SORL1: variants seen among roughly 807,000 people sequenced by gnomAD.
SORL1 encodes the protein sortilin-related receptor.
A neutral mutation model predicts 273.7 loss-of-function variants in SORL1; 127 were observed. That is an observed-to-expected ratio of 0.46 (90% CI 0.40 to 0.54). The LOEUF is 0.54. Among genes scored for constraint, SORL1 ranks in the 20% least tolerant of loss-of-function variants. SORL1 has a pLI of 0.00. For synonymous variants in SORL1, 1,031 were observed against 1,067.4 expected (o/e 0.97, Z 0.66); for missense variants, 2,494 against 2,846.1 (o/e 0.88, Z 2.81).
chr11:121,507,858 T>G (rs1403472270), intron 6 of SORL1, among the ~76,000 whole-genome samples: 6 of 152,204 alleles, frequency 3.9e-5, no homozygotes, highest in Admixed American at 3.9e-4. Flanking sequence ...TGATTTTTTT[T>G]GTTGAAAACT....
chr11:121,555,448 A>G, intron 18 of SORL1, 130 bp downstream of exon 18: 2 of 1,180,376 alleles, frequency 1.7e-6, no homozygotes, highest in South Asian at 2.9e-5. Flanking sequence ...GTTTCCAGAG[A>G]ATGGACCAGC....
At position 121,491,550 on chromosome 11, in the gene SORL1, A is replaced by G. The variant is rs151312753; in HGVS notation, c.758+1440A>G. On this transcript the variant is annotated intron_variant, in intron 5 of 47. Coordinates refer to ENST00000260197, the MANE Select transcript of SORL1 (RefSeq NM_003105.6). ...TTGACTCTTGATCTTCACCACCCCA[A>G]ATCAGCTCCACCTATAACTTTTCTC... Among the ~76,000 whole-genome samples the G allele has an allele frequency of 6.6e-3, 1,011 of 152,294 alleles. 11 individuals are homozygous for G. Among genetic ancestry groups the G allele is most frequent in the African/African-American group, 0.023 (951 of 41,554 alleles).
Position 121,513,151 on chromosome 11 carries a change from T to C in SORL1, c.1041+47T>C, listed in dbSNP as rs1205794887. 6 of 1,392,992 alleles carry C rather than the reference T, an allele frequency of 4.3e-6. No homozygotes were observed. The Admixed American group carries it at 5.0e-5, about 12-fold the overall frequency. The allele number at this position is 1,392,992 out of a possible 1,614,324, so 86.3% of individuals were successfully genotyped here. A position where few individuals can be genotyped will look rare whatever the true frequency, so the allele number is the denominator to read the frequency against. On this transcript the variant is annotated intron_variant, in intron 7 of 47. Transcript: ENST00000260197. Reference sequence around the variant, plus strand: ...ATGGGAAGAAGTATCATTGTCTTTATGCAGAGGTCAGAGGAAGGTTGTTGC... The same window carrying C: ...ATGGGAAGAAGTATCATTGTCTTTACGCAGAGGTCAGAGGAAGGTTGTTGC...
intron 21 of SORL1, among the ~76,000 whole-genome samples, chr11:121,561,482 T>C (rs1862673307): frequency 6.6e-6 from 1 of 152,092 alleles, no homozygotes; most frequent in Non-Finnish European, 1.5e-5. Flanking sequence ...CAGAGTCATT[T>C]TGGGGCCCAG....
chr11:121,551,296 A>C (rs1431413438), intron 16 of SORL1, among the ~76,000 whole-genome samples: 1 of 152,220 alleles, frequency 6.6e-6, no homozygotes, highest in East Asian at 1.9e-4. Flanking sequence ...TTCATTGGAC[A>C]TTGCCCAAAT....
chr11:121,457,363 C>A (rs372073554), intron 1 of SORL1, among the ~76,000 whole-genome samples: 11 of 152,140 alleles, frequency 7.2e-5, no homozygotes, highest in South Asian at 2.1e-4. Context: ...CTCTCATGCC[C>A]CCTGTTCACC....
chr11:121,526,255 T>C (rs1862122846), intron 11 of SORL1, among the ~76,000 whole-genome samples: 1 of 152,260 alleles, frequency 6.6e-6, no homozygotes, highest in South Asian at 2.1e-4. Flanking sequence ...TGAAAATCAA[T>C]TGGCCATATA....
At chr11:121,606,083 C>G (rs1370952997) in intron 35 of SORL1, among the ~76,000 whole-genome samples, 5 of 152,118 alleles carry the variant, frequency 3.3e-5, no homozygotes, top group African/African-American at 1.2e-4. Flanking sequence ...CCACCATGCT[C>G]AGCTAGCTTT....
rs1863043353 is a variant in SORL1, at chr11:121,583,467, A to G, written c.3590A>G (p.His1197Arg). The change falls in exon 26 of 48, where the codon CAC becomes CGC. Residue 1197 changes from histidine to arginine, a missense_variant. By Grantham distance (29) the His-to-Arg change is conservative (BLOSUM62 0). Around this residue, in one of 3 missense-constraint regions of SORL1, gnomAD observed 1,609 missense variants for 1,816.4 expected, o/e 0.89. Coordinates refer to ENST00000260197, the MANE Select transcript of SORL1 (RefSeq NM_003105.6). ...CTCTTCTCTGTTACAGCCATCTATCACACCTGTGAGGCCTCCAACTTCCAG... is the reference window on the plus strand; with the variant it reads ...CTCTTCTCTGTTACAGCCATCTATCGCACCTGTGAGGCCTCCAACTTCCAG... ...SDEANCTAIY[H>R]TCEASNFQCR... 6.2e-7 allele frequency: 1 copy of G among 1,612,054 alleles called. No homozygotes were observed. Among genetic ancestry groups the G allele is most frequent in the East Asian group, 2.2e-5 (1 of 44,644 alleles).
intron 32 of SORL1, among the ~76,000 whole-genome samples, chr11:121,602,098 C>A (rs1161687459): frequency 1.3e-5 from 2 of 152,198 alleles, no homozygotes; most frequent in Non-Finnish European, 2.9e-5. Context: ...AGAATTCCAT[C>A]TTGGGCTTCT....
intron 11 of SORL1, among the ~76,000 whole-genome samples, chr11:121,527,729 C>T (rs71486385): frequency 0.11 from 16,477 of 152,028 alleles, 1,101 homozygotes; most frequent in African/African-American, 0.18. Flanking sequence ...AGAAATTTGT[C>T]CCTTCATGTA....
intron 46 of SORL1, among the ~76,000 whole-genome samples, chr11:121,625,682 T>A (rs1293990358): frequency 6.6e-6 from 1 of 152,076 alleles, no homozygotes; most frequent in Non-Finnish European, 1.5e-5. Context: ...TATAACTGAT[T>A]TTACAGTGCA....
chr11:121,504,020 A>AT (rs1861752276), intron 6 of SORL1, among the ~76,000 whole-genome samples: 5 of 152,368 alleles, frequency 3.3e-5, no homozygotes, highest in Non-Finnish European at 5.9e-5. Context: ...CTTCCAATGC[A>AT]TGGACAAAGG....
At chr11:121,613,562 T>C (rs979392637) in intron 40 of SORL1, among the ~76,000 whole-genome samples, 3 of 152,054 alleles carry the variant, frequency 2.0e-5, no homozygotes, top group African/African-American at 7.2e-5. Context: ...TAACTGAAAG[T>C]CTACAAGGTG....
chr11:121,528,466 TAAA>T (rs1175357991), intron 11 of SORL1, among the ~76,000 whole-genome samples: 1 of 151,900 alleles, frequency 6.6e-6, no homozygotes, highest in Non-Finnish European at 1.5e-5. Context: ...CTCAAAAAAA[TAAA>T]AAAACAGATA....
intron 21 of SORL1, among the ~76,000 whole-genome samples, chr11:121,565,805 C>T (rs561910378): frequency 3.0e-4 from 45 of 152,230 alleles, no homozygotes; most frequent in Non-Finnish European, 5.4e-4. Flanking sequence ...TTTTGCCATC[C>T]TCGTTCATCC....
chr11:121,573,932 G>A (rs551242759), intron 23 of SORL1, among the ~76,000 whole-genome samples: 19 of 152,234 alleles, frequency 1.2e-4, no homozygotes, highest in African/African-American at 1.7e-4. Context: ...GACACTTTTC[G>A]CGTCTGAAGG....
At chr11:121,604,406 T>G in intron 33 of SORL1, 82 bp downstream of exon 33, 1 of 1,528,138 alleles carries the variant, frequency 6.5e-7, no homozygotes, top group Non-Finnish European at 8.9e-7. Context: ...GTGTAGACCT[T>G]GAGCTAGGAC....
intron 23 of SORL1, among the ~76,000 whole-genome samples, chr11:121,573,869 C>T (rs1181054024): frequency 6.6e-6 from 1 of 152,166 alleles, no homozygotes; most frequent in East Asian, 1.9e-4. Context: ...TGAAATTGAG[C>T]TTCTCTAATC....
Sources: allele counts gnomAD v4.1 joint callset (sites outside exome capture counted in the v4.1 genomes callset), GRCh38; gene constraint gnomAD v4.1.1; regional missense constraint gnomAD v4.1.1; transcripts MANE v1.5; gene names NCBI Gene and HGNC (gene_info 2026-07-23, HGNC 2026-07-21).